The following PUM2 variants were observed in gnomAD, a reference collection of about 807,000 sequenced individuals.
PUM2 encodes pumilio RNA binding family member 2, also known as pumilio homolog 2.
Under a neutral mutation model 124.5 loss-of-function variants are expected in PUM2, and 57 were observed. The observed-to-expected ratio is 0.46, with a 90% CI of 0.37 to 0.57. PUM2 has a LOEUF of 0.57. Among genes scored for constraint, PUM2 ranks in the 20% least tolerant of loss-of-function variants. PUM2 has a pLI of 0.00. For synonymous variants in PUM2, 460 were observed against 446.1 expected, an observed-to-expected ratio of 1.03 and a Z score of -0.39; for missense variants, 1,065 against 1,290.6, an observed-to-expected ratio of 0.83 and a Z score of 2.68.
rs1227575963 is a variant in PUM2 at position 20,254,028 on chromosome 2, C to G, written c.2871-14G>C. ...TCTACTACATTGCTAAAAATTAAAGCAGATAAACAAAGATTTGTTATTTTT... is the reference window on the plus strand; with the variant it reads ...TCTACTACATTGCTAAAAATTAAAGGAGATAAACAAAGATTTGTTATTTTT... On this transcript the variant is annotated splice_polypyrimidine_tract_variant and intron_variant, in intron 19 of 20. Coordinates refer to ENST00000361078, the MANE Select transcript of PUM2 (RefSeq NM_015317.5). The G allele has an allele frequency of 1.3e-6, 2 of 1,588,190 alleles. No individual in the cohort carries two copies. The highest frequency in any genetic ancestry group is 2.2e-5 in the East Asian group (1 of 44,582).
rs555210221 is a variant in PUM2, at chr2:20,344,348, T to C, written c.-19+6249A>G. Among the ~76,000 whole-genome samples, 8 of 152,282 alleles carry C rather than the reference T, an allele frequency of 5.3e-5. No homozygotes were observed. In the South Asian group the frequency reaches 1.5e-3, roughly 28 times the overall value. On this transcript the variant is annotated intron_variant, in intron 1 of 20. Transcript: ENST00000361078. ...CTCCCAAAGCGTTAGGCGCCCAGCC[T>C]CATAGTCTTTCTTACAGTCAGTTCC...
chr2:20,323,522 G>A (rs1343638913), intron 2 of PUM2, among the ~76,000 whole-genome samples: 1 of 150,990 alleles, frequency 6.6e-6, no homozygotes, highest in African/African-American at 2.4e-5. Context: ...ACTACCAACA[G>A]TATGAATCCT....
At chr2:20,342,204 C>T (rs1687366685) in intron 1 of PUM2, among the ~76,000 whole-genome samples, 1 of 151,632 alleles carries the variant, frequency 6.6e-6, no homozygotes, top group African/African-American at 2.4e-5. Context: ...AATCTGAATG[C>T]ATGGTCTGAG....
At chr2:20,297,765 G>C (rs1655175488) in intron 7 of PUM2, 87 bp from the exon 8 acceptor site, 2 of 1,387,662 alleles carry the variant, frequency 1.4e-6, no homozygotes, top group Non-Finnish European at 2.0e-6. Flanking sequence ...TCTGAATCTG[G>C]GGTGGTGTGG....
chr2:20,251,480 T>A lies in PUM2; in HGVS notation c.*105A>T. On this transcript the variant is annotated 3_prime_UTR_variant, in exon 21 of 21. Transcript: ENST00000361078. ...ATAAAGTCAATAAATAGTTTTGCTT[T>A]AAAAAAAAATTGAAGATTCATAGTT... is the stretch of plus-strand genomic sequence containing the variant. The A allele has an allele frequency of 3.0e-5, 39 of 1,316,542 alleles. No individual in the cohort carries two copies. The highest frequency in any genetic ancestry group is 4.7e-5 in the South Asian group (3 of 64,084). The allele number at this position is 1,316,542 out of a possible 1,614,324, so 81.6% of individuals were successfully genotyped here.
intron 10 of PUM2, among the ~76,000 whole-genome samples, chr2:20,287,097 G>A (rs1672926423): frequency 6.6e-6 from 1 of 152,140 alleles, no homozygotes; most frequent in African/African-American, 2.4e-5. Flanking sequence ...ATCTAGCACA[G>A]GAGGAAACAC....
chr2:20,335,930 C>T (rs1388023032), intron 1 of PUM2, among the ~76,000 whole-genome samples: 1 of 152,156 alleles, frequency 6.6e-6, no homozygotes, highest in Non-Finnish European at 1.5e-5. Flanking sequence ...ATATTTGGGT[C>T]CTTACAAAAG....
intron 2 of PUM2, among the ~76,000 whole-genome samples, chr2:20,320,593 A>C (rs1485397889): frequency 6.6e-6 from 1 of 150,492 alleles, no homozygotes; most frequent in Non-Finnish European, 1.5e-5. Context: ...AAAAAACTCC[A>C]TTTTTTTAAA....
At position 20,249,738 on chromosome 2, in the gene PUM2, A is replaced by T. The variant is rs1177563573; in HGVS notation, c.*1847T>A. On this transcript the variant is annotated 3_prime_UTR_variant, in exon 21 of 21. Transcript: ENST00000361078. Reference sequence around the variant, plus strand: ...ATGTTCATTTTAGTTTTCAGCACTGAACATAAGTGGGTCAACATAAATGTT... The same window carrying T: ...ATGTTCATTTTAGTTTTCAGCACTGTACATAAGTGGGTCAACATAAATGTT... 3 of 152,692 alleles carry T rather than the reference A, an allele frequency of 2.0e-5. No homozygotes were observed. Among genetic ancestry groups the T allele is most frequent in the Non-Finnish European group, 2.9e-5 (2 of 68,056 alleles). 9.5% of individuals were successfully genotyped at this position (152,692 alleles called of 1,614,324 possible).
intron 9 of PUM2, 95 bp from the exon 10 acceptor site, chr2:20,290,885 G>C: frequency 9.7e-7 from 1 of 1,030,012 alleles, no homozygotes; most frequent in Non-Finnish European, 1.3e-6. Flanking sequence ...AACAGCCTTT[G>C]GATATTTTTT....
chr2:20,333,160 G>T (rs1685269032), intron 1 of PUM2: 1 of 152,118 alleles, frequency 6.6e-6, no homozygotes, highest in African/African-American at 2.4e-5. Context: ...TACTAATGAT[G>T]TGAGGAAAAA....
At chr2:20,266,499 AAAAGAG>A (rs1413486338) in intron 13 of PUM2, among the ~76,000 whole-genome samples, 1 of 152,016 alleles carries the variant, frequency 6.6e-6, no homozygotes, top group African/African-American at 2.4e-5. Context: ...CAAAAAAAAA[AAAAGAG>A]AAAAAGAAAA....
intron 7 of PUM2, among the ~76,000 whole-genome samples, chr2:20,306,515 G>C (rs920629851): frequency 5.3e-5 from 8 of 151,888 alleles, no homozygotes; most frequent in Admixed American, 5.2e-4. Flanking sequence ...GGGATAAAGC[G>C]GGTGGGGAAA....
chr2:20,306,147 G>A (rs1476177320), intron 7 of PUM2, among the ~76,000 whole-genome samples: 2 of 152,150 alleles, frequency 1.3e-5, no homozygotes, highest in Non-Finnish European at 2.9e-5. Flanking sequence ...AGCAGTTGCA[G>A]TGAGCCAAGA....
intron 10 of PUM2, among the ~76,000 whole-genome samples, chr2:20,288,950 T>C (rs1673359671): frequency 6.6e-6 from 1 of 152,110 alleles, no homozygotes; most frequent in African/African-American, 2.4e-5. Flanking sequence ...TTTGTATTTC[T>C]AAAAAGGCTA....
At chr2:20,303,572 A>G (rs774977527) in intron 7 of PUM2, among the ~76,000 whole-genome samples, 5 of 151,996 alleles carry the variant, frequency 3.3e-5, no homozygotes, top group Non-Finnish European at 7.4e-5. Context: ...TCACGTCTCC[A>G]TTTATTCAAG....
At position 20,258,286 on chromosome 2, in the gene PUM2, C is replaced by T. The variant is rs1165053616; in HGVS notation, c.2441G>A (p.Arg814His). Residue 814 changes from arginine (R) to histidine (H), a missense_variant, in exon 16 of 21, where the codon CGC becomes CAC. Arg to His is a conservative substitution (Grantham distance 29). Around this residue, in one of 3 missense-constraint regions of PUM2, gnomAD observed 968 missense variants for 1,159.8 expected, o/e 0.83. Transcript: ENST00000361078. ...AGATTCTAATGCTTTCTGAATAACGCGGCAGCCATACATCTGCAAGGCTAA... is the reference window on the plus strand; with the variant it reads ...AGATTCTAATGCTTTCTGAATAACGTGGCAGCCATACATCTGCAAGGCTAA... ...LPLALQMYGC[R>H]VIQKALESIS... 6.2e-7 allele frequency: 1 copy of T among 1,611,128 alleles called. No homozygotes were observed. Among genetic ancestry groups the T allele is most frequent in the Non-Finnish European group, 8.5e-7 (1 of 1,178,170 alleles).
At chr2:20,292,233 C>T (rs1489106770) in intron 9 of PUM2, among the ~76,000 whole-genome samples, 2 of 151,758 alleles carry the variant, frequency 1.3e-5, no homozygotes, top group African/African-American at 4.8e-5. Flanking sequence ...CTGTGGCTGG[C>T]CCCACGTCAG....
intron 9 of PUM2, among the ~76,000 whole-genome samples, chr2:20,293,732 T>A (rs1326119133): frequency 6.6e-6 from 1 of 151,780 alleles, no homozygotes; most frequent in Non-Finnish European, 1.5e-5. Flanking sequence ...AAATAAAAAA[T>A]AAAATATATT....
Sources: gnomAD v4.1 joint callset for allele counts (sites outside exome capture counted in the v4.1 genomes callset) on GRCh38, gnomAD v4.1.1 for gene constraint, gnomAD v4.1.1 regional missense constraint, MANE v1.5 for transcripts, NCBI Gene and HGNC (gene_info 2026-07-23, HGNC 2026-07-21) for gene names.